TCF12: variants seen among roughly 807,000 people sequenced by gnomAD.
The protein encoded by TCF12 is transcription factor 12.
TCF12 carries 45 observed loss-of-function variants against 86.0 expected under a neutral mutation model. That is an observed-to-expected ratio of 0.52 (90% CI 0.41 to 0.67). The LOEUF is 0.67. TCF12 is among the 30% of genes least tolerant of loss of function. The probability of loss-of-function intolerance (pLI) is 0.00; values close to 1 mark genes in which losing one functional copy is unlikely to be tolerated. For synonymous variants in TCF12, 330 were observed against 299.6 expected (o/e 1.10, Z -1.05); for missense variants, 881 against 859.9 (o/e 1.02, Z -0.31).
intron 3 of TCF12, among the ~76,000 whole-genome samples, chr15:56,952,803 T>C (rs2061341385): frequency 6.6e-6 from 1 of 152,174 alleles, no homozygotes; most frequent in Admixed American, 6.5e-5. Context: ...GGTCATGTAG[T>C]CTGTGAATAA....
intron 5 of TCF12, among the ~76,000 whole-genome samples, chr15:57,141,937 A>G (rs2052997769): frequency 6.6e-6 from 1 of 152,168 alleles, no homozygotes; most frequent in Non-Finnish European, 1.5e-5. Context: ...CTTGAATGAC[A>G]TAAAGGGAAG....
chr15:57,113,244 C>G (rs2050617492), intron 5 of TCF12, among the ~76,000 whole-genome samples: 2 of 152,198 alleles, frequency 1.3e-5, no homozygotes, highest in South Asian at 4.1e-4. Context: ...TTCTTCTTAT[C>G]CGTCAAGGAT....
chr15:56,984,014 A>AAAAAAAAAAAAAAG lies in TCF12; in HGVS notation c.148+62918_148+62919insAAAAAAAAAAAGAA, dbSNP rs777234282. ...GAGACCCTGTCTCAAAAAAAAAAAA[A>AAAAAAAAAAAAAAG]AAGAAGAAGAAGAATTTTGGATCAA... On this transcript the variant is annotated intron_variant, in intron 3 of 20. Coordinates refer to ENST00000333725, the MANE Select transcript of TCF12 (RefSeq NM_207037.2). 9.5e-4 allele frequency among the ~76,000 whole-genome samples: 99 copies of AAAAAAAAAAAAAAG among 104,424 alleles called. 6 individuals carry two copies. Among genetic ancestry groups the AAAAAAAAAAAAAAG allele is most frequent in the East Asian group, 4.1e-3 (12 of 2,914 alleles). The allele number at this position is 104,424 out of a possible 152,430, so 68.5% of individuals were successfully genotyped here. A position where few individuals can be genotyped will look rare whatever the true frequency, so the allele number is the denominator to read the frequency against.
chr15:56,934,150 C>T (rs2060367568), intron 3 of TCF12, among the ~76,000 whole-genome samples: 1 of 152,048 alleles, frequency 6.6e-6, no homozygotes, highest in African/African-American at 2.4e-5. Flanking sequence ...ATATTAGTGC[C>T]CTTCAGTCCT....
At chr15:57,207,468 T>C (rs1448171495) in intron 8 of TCF12, among the ~76,000 whole-genome samples, 1 of 152,214 alleles carries the variant, frequency 6.6e-6, no homozygotes, top group East Asian at 1.9e-4. Flanking sequence ...GTCAGGAGTT[T>C]GAGGCCAGTC....
At chr15:57,252,343 A>G (rs570618139) in intron 14 of TCF12, 78 bp from the exon 15 acceptor site, 12 of 1,015,606 alleles carry the variant, frequency 1.2e-5, no homozygotes, top group Admixed American at 1.1e-4. Flanking sequence ...GCTGACATGC[A>G]TATCAGCTAT....
chr15:56,936,955 C>T (rs1422085151), intron 3 of TCF12, among the ~76,000 whole-genome samples: 1 of 152,066 alleles, frequency 6.6e-6, no homozygotes, highest in Non-Finnish European at 1.5e-5. Flanking sequence ...GCTGTGATGG[C>T]TCTTCTGGTT....
intron 8 of TCF12, among the ~76,000 whole-genome samples, chr15:57,224,240 A>G (rs1244390323): frequency 1.4e-4 from 22 of 152,066 alleles, no homozygotes; most frequent in Admixed American, 1.4e-3. Context: ...AATTTTTTTT[A>G]AAGTAGGTAG....
intron 8 of TCF12, among the ~76,000 whole-genome samples, chr15:57,201,813 C>T (rs1457439222): frequency 5.3e-5 from 8 of 152,124 alleles, no homozygotes. Context: ...TCTCTAACTG[C>T]CAACTCTTGT....
intron 5 of TCF12, among the ~76,000 whole-genome samples, chr15:57,111,348 G>C (rs558298023): frequency 6.6e-6 from 1 of 152,218 alleles, no homozygotes; most frequent in African/African-American, 2.4e-5. Context: ...ATCACTGTGG[G>C]TAGGGACAAT....
At chr15:56,998,299 A>G (rs1220767049) in intron 3 of TCF12, among the ~76,000 whole-genome samples, 1 of 152,080 alleles carries the variant, frequency 6.6e-6, no homozygotes, top group Non-Finnish European at 1.5e-5. Flanking sequence ...TTTACTAAAA[A>G]TACAAAAATT....
At chr15:56,973,626 G>A (rs1257453208) in intron 3 of TCF12, among the ~76,000 whole-genome samples, 4 of 152,074 alleles carry the variant, frequency 2.6e-5, no homozygotes, top group Non-Finnish European at 5.9e-5. Flanking sequence ...TCATGCATTG[G>A]TTAGTAATTG....
At chr15:56,971,271 A>C (rs1016584676) in intron 3 of TCF12, among the ~76,000 whole-genome samples, 36 of 151,326 alleles carry the variant, frequency 2.4e-4, no homozygotes, top group Non-Finnish European at 4.1e-4. Flanking sequence ...TAAAAACAAA[A>C]AAAAAAATTA....
intron 13 of TCF12, among the ~76,000 whole-genome samples, chr15:57,251,002 A>G (rs1206624431): frequency 6.6e-6 from 1 of 152,160 alleles, no homozygotes; most frequent in Non-Finnish European, 1.5e-5. Context: ...TTTCTGTACA[A>G]TGCTATAGGA....
At chr15:56,994,446 T>G (rs1317797115) in intron 3 of TCF12, among the ~76,000 whole-genome samples, 2 of 151,996 alleles carry the variant, frequency 1.3e-5, no homozygotes, top group African/African-American at 4.8e-5. Context: ...CCTCACAAAT[T>G]TATTGAAAGA....
intron 3 of TCF12, among the ~76,000 whole-genome samples, chr15:56,977,900 G>T (rs2062692728): frequency 6.6e-6 from 1 of 152,028 alleles, no homozygotes; most frequent in African/African-American, 2.4e-5. Context: ...CAACTTACTG[G>T]CTTGGAGATA....
chr15:57,005,904 G>A (rs1260189869), intron 3 of TCF12, among the ~76,000 whole-genome samples: 2 of 152,104 alleles, frequency 1.3e-5, no homozygotes, highest in African/African-American at 4.8e-5. Flanking sequence ...GTCACCCTAA[G>A]CTTTTTATTT....
At chr15:57,172,457 A>G (rs1473776448) in intron 6 of TCF12, among the ~76,000 whole-genome samples, 1 of 152,214 alleles carries the variant, frequency 6.6e-6, no homozygotes, top group Non-Finnish European at 1.5e-5. Context: ...AGGGGCACAC[A>G]TTACACTAAC....
At chr15:57,153,023 G>A (rs2053874576) in intron 5 of TCF12, among the ~76,000 whole-genome samples, 1 of 152,136 alleles carries the variant, frequency 6.6e-6, no homozygotes, top group Admixed American at 6.6e-5. Context: ...TTGCAGGCAA[G>A]ATGATAGTGA....
Sources: gnomAD v4.1 joint callset for allele counts (sites outside exome capture counted in the v4.1 genomes callset) on GRCh38, gnomAD v4.1.1 for gene constraint, MANE v1.5 for transcripts, NCBI Gene and HGNC (gene_info 2026-07-23, HGNC 2026-07-21) for gene names.